The following SEMA4G variants were observed in gnomAD, a reference collection of about 807,000 sequenced individuals.
SEMA4G encodes the protein semaphorin 4G.
A neutral mutation model predicts 81.2 loss-of-function variants in SEMA4G; 59 were observed. The ratio of observed to expected loss-of-function variants is 0.73; its 90% CI spans 0.59 to 0.90. The LOEUF (loss-of-function observed/expected upper bound fraction) is 0.90, where lower values mean the gene tolerates loss of function less well. SEMA4G is among the 40% of genes least tolerant of loss of function. SEMA4G has a pLI of 0.00. For synonymous variants in SEMA4G, 404 were observed against 433.9 expected (o/e 0.93, Z 0.86); for missense variants, 952 against 1,102.3 (o/e 0.86, Z 1.93).
At chr10:100,982,353 T>G in intron 13 of SEMA4G, among the ~76,000 whole-genome samples, 1 of 152,076 alleles carries the variant, frequency 6.6e-6, no homozygotes, top group East Asian at 1.9e-4. Context: ...GGCTGGAGAG[T>G]GGCATGATCA....
At position 100,977,650 on chromosome 10, in the gene SEMA4G, G is replaced by A. The variant is rs756797401; in HGVS notation, c.355G>A (p.Val119Met). The change falls in exon 4 of 14, where the codon GTG (valine) becomes ATG (methionine). Residue 119 changes from valine to methionine, a missense_variant. This residue lies in a region of SEMA4G where 436 missense variants were observed against 488.2 expected (regional missense o/e 0.89). Transcript: ENST00000370250. The stretch of plus-strand genomic sequence containing the variant: ...CCCACAGACGGAGTGCTTTAACCAT[G>A]TGCGGTTCCTGCAGCGGCTCAATTC... The A allele has an allele frequency of 1.9e-6, 3 of 1,614,100 alleles. No individual in the cohort carries two copies. The South Asian group carries it at 3.3e-5, about 18-fold the overall frequency.
rs1432148857 is a variant in SEMA4G, at chr10:100,973,324, C to T, written c.273+47C>T. ...CACCCAGAGGGTCTCTATGCTTATC[C>T]AGCTCCCTGGGACCTCAACTTCCTT... is the stretch of plus-strand genomic sequence containing the variant. On this transcript the variant is annotated intron_variant, in intron 2 of 13. Transcript: ENST00000370250. The surrounding 1 kb of genome is among the most constrained non-coding windows in gnomAD (Gnocchi z 5.5). The T allele has an allele frequency of 6.2e-7, 1 of 1,603,938 alleles. No homozygotes were observed. Among genetic ancestry groups the T allele is most frequent in the East Asian group, 2.2e-5 (1 of 44,730 alleles).
chr10:100,984,995 C>T, downstream of SEMA4G: 1 of 1,295,256 alleles, frequency 7.7e-7, no homozygotes, highest in Non-Finnish European at 1.0e-6. Context: ...CTCTGAGCCT[C>T]CCTTGCTGTC....
exon 6 of SEMA4G, chr10:100,978,600 C>T (rs554197284): frequency 6.2e-7 from 1 of 1,614,178 alleles, no homozygotes; most frequent in East Asian, 2.2e-5. Context: ...GCCACCCACA[C>T]TCCCTGAGAA....
chr10:100,981,544 C>G (rs1411459591), intron 13 of SEMA4G: 13 of 1,613,810 alleles, frequency 8.1e-6, no homozygotes, highest in African/African-American at 1.3e-5. Context: ...GAACTGATAT[C>G]TGAAGAAAGA....
chr10:100,981,175 C>T (rs375633368), exon 13 of SEMA4G: 43 of 1,614,110 alleles, frequency 2.7e-5, no homozygotes, highest in Non-Finnish European at 2.5e-5. Context: ...CAGGACAGCA[C>T]TGATACAGGA....
chr10:100,981,635 T>C (rs1027262382), intron 13 of SEMA4G: 18 of 1,427,122 alleles, frequency 1.3e-5, no homozygotes, highest in East Asian at 4.6e-5. Flanking sequence ...CTATGCATGA[T>C]GTCATCTACT....
At chr10:100,971,714 G>T (rs940174951), upstream of SEMA4G, among the ~76,000 whole-genome samples, 3 of 152,138 alleles carry the variant, frequency 2.0e-5, no homozygotes, top group Non-Finnish European at 4.4e-5. Flanking sequence ...ACAGGGGTTG[G>T]GAGAGGCCTG....
intron 8 of SEMA4G, 63 bp downstream of exon 9, chr10:100,979,334 C>G (rs776912948): frequency 3.1e-6 from 5 of 1,613,618 alleles, no homozygotes; most frequent in Non-Finnish European, 4.2e-6. Flanking sequence ...GAGCAGAGGT[C>G]AATGAGGATG....
upstream of SEMA4G, among the ~76,000 whole-genome samples, chr10:100,971,776 A>C (rs1211840750): frequency 6.6e-6 from 1 of 152,100 alleles, no homozygotes; most frequent in African/African-American, 2.4e-5. Flanking sequence ...AGGGTCCAAG[A>C]TGTGTCGGGA....
chr10:100,980,230 C>G (rs1213885536), exon 10 of SEMA4G: 1 of 1,614,116 alleles, frequency 6.2e-7, no homozygotes, highest in African/African-American at 1.3e-5. Context: ...GCCCGTTGTG[C>G]CCACACGTGG....
At chr10:100,984,672 G>C (rs1164988814) in exon 14 of SEMA4G, 4 of 1,536,226 alleles carry the variant, frequency 2.6e-6, no homozygotes, top group Non-Finnish European at 3.5e-6. Flanking sequence ...CCTTCTCCTG[G>C]TGCATTCTTG....
upstream of SEMA4G, among the ~76,000 whole-genome samples, chr10:100,971,778 G>A (rs987378120): frequency 6.6e-6 from 1 of 152,182 alleles, no homozygotes; most frequent in African/African-American, 2.4e-5. Context: ...GGTCCAAGAT[G>A]TGTCGGGAGG....
exon 7 of SEMA4G, chr10:100,978,988 C>T (rs868505946): frequency 2.5e-6 from 4 of 1,614,180 alleles, no homozygotes; most frequent in Admixed American, 1.7e-5. Context: ...GCAGCAGTCA[C>T]CGTGTGGCCC....
At chr10:100,970,058 C>G (rs1282532947), upstream of SEMA4G, 1 of 350,672 alleles carries the variant, frequency 2.9e-6, no homozygotes, top group Non-Finnish European at 6.0e-6. Context: ...CTACACTAGG[C>G]AGGTGGACAT....
At chr10:100,971,318 T>C (rs921798946), upstream of SEMA4G, among the ~76,000 whole-genome samples, 2 of 152,198 alleles carry the variant, frequency 1.3e-5, no homozygotes, top group South Asian at 2.1e-4. Context: ...TAAACAGGTG[T>C]GCCTCCACAG....
chr10:100,980,904 G>A, exon 12 of SEMA4G: 2 of 1,612,404 alleles, frequency 1.2e-6, no homozygotes, highest in Non-Finnish European at 1.7e-6. Context: ...TGCTATGACT[G>A]CATCTTGGCC....
downstream of SEMA4G, chr10:100,984,930 A>G: frequency 2.8e-6 from 4 of 1,442,570 alleles, no homozygotes; most frequent in Non-Finnish European, 3.6e-6. Flanking sequence ...CCCCATGCAC[A>G]TGTGGTAACA....
At chr10:100,983,141 C>T (rs1202500663) in intron 13 of SEMA4G, among the ~76,000 whole-genome samples, 164 bp from the exon 15 acceptor site, 1 of 152,200 alleles carries the variant, frequency 6.6e-6, no homozygotes, top group African/African-American at 2.4e-5. Flanking sequence ...GAAGGGCCAA[C>T]GTGAACCTTC....
Sources: allele counts gnomAD v4.1 joint callset (sites outside exome capture counted in the v4.1 genomes callset), GRCh38; gene constraint gnomAD v4.1.1; regional missense constraint gnomAD v4.1.1; non-coding constraint Gnocchi (gnomAD v3.1); transcripts MANE v1.5; gene names NCBI Gene and HGNC (gene_info 2026-07-23, HGNC 2026-07-21).